Variants in ARHGEF7 observed in about 807,000 individuals in gnomAD.
ARHGEF7 encodes PAK-interacting exchange factor beta.
Under a neutral mutation model 109.8 loss-of-function variants are expected in ARHGEF7, and 33 were observed. The observed-to-expected ratio is 0.30, with a 90% CI of 0.23 to 0.40. The LOEUF (loss-of-function observed/expected upper bound fraction) is 0.40, where lower values mean the gene tolerates loss of function less well. ARHGEF7 is among the 10% of genes least tolerant of loss of function. ARHGEF7 has a pLI of 1.00. For synonymous variants in ARHGEF7, 458 were observed against 424.6 expected (o/e 1.08, Z -0.97); for missense variants, 938 against 1,098.5 (o/e 0.85, Z 2.07).
chr13:111,167,001 T>A (rs1483207259), intron 2 of ARHGEF7, among the ~76,000 whole-genome samples: 1 of 152,056 alleles, frequency 6.6e-6, no homozygotes, highest in African/African-American at 2.4e-5. Flanking sequence ...AGTGAGGAGA[T>A]GTTAGTCCCA....
chr13:111,187,368 G>C (rs1393091044), intron 2 of ARHGEF7, among the ~76,000 whole-genome samples: 1 of 152,204 alleles, frequency 6.6e-6, no homozygotes, highest in Non-Finnish European at 1.5e-5. Context: ...CCTGTTGCCT[G>C]ATGAGGGAGA....
chr13:111,267,661 C>T lies in ARHGEF7; in HGVS notation c.1064C>T (p.Thr355Met), dbSNP rs376914209. The change falls in exon 9 of 22, where the codon ACG (threonine) becomes ATG (methionine). Residue 355 changes from threonine (T) to methionine (M), a missense_variant. Physicochemically the swap from Thr to Met is moderately conservative, Grantham distance 81. This residue lies in a region of ARHGEF7 where 585 missense variants were observed against 723.6 expected (regional missense o/e 0.81). Transcript: ENST00000646102. The stretch of plus-strand genomic sequence containing the variant: ...CACCCTTCTGCAGTGAATGTCCTCA[C>T]GGAACACAGGTGCGCTTGCTAGGCA... ...ANHPSAVNVL[T>M]EHSEELGEFM... 4.3e-5 allele frequency: 70 copies of T among 1,613,828 alleles called. No homozygotes were observed. Among genetic ancestry groups the T allele is most frequent in the South Asian group, 2.0e-4 (18 of 91,054 alleles).
chr13:111,133,761 CTTTATATATATATA>C (rs1246154401), intron 1 of ARHGEF7, among the ~76,000 whole-genome samples: 7 of 73,356 alleles, frequency 9.5e-5, no homozygotes, highest in Non-Finnish European at 1.5e-4. Flanking sequence ...ATCTGCTTTT[CTTTATATATATATA>C]TATATATATA....
At chr13:111,251,402 C>CT (rs2089755143) in intron 8 of ARHGEF7, among the ~76,000 whole-genome samples, 1 of 152,086 alleles carries the variant, frequency 6.6e-6, no homozygotes, top group Non-Finnish European at 1.5e-5. Flanking sequence ...TCTTAGGTGA[C>CT]TGTCAAGAGT....
chr13:111,206,984 A>G (rs1297062054), intron 3 of ARHGEF7, among the ~76,000 whole-genome samples: 3 of 150,692 alleles, frequency 2.0e-5, no homozygotes, highest in African/African-American at 2.5e-5. Context: ...AAGAAAAAGA[A>G]AAAAAAAGAA....
intron 2 of ARHGEF7, among the ~76,000 whole-genome samples, chr13:111,204,048 C>T (rs868728095): frequency 2.0e-5 from 3 of 152,136 alleles, no homozygotes; most frequent in African/African-American, 4.8e-5. Flanking sequence ...TATCATGACA[C>T]GTGTTCTGGG....
At chr13:111,278,480 A>G (rs1057515157) in intron 13 of ARHGEF7, among the ~76,000 whole-genome samples, 4 of 152,216 alleles carry the variant, frequency 2.6e-5, no homozygotes, top group African/African-American at 7.2e-5. Context: ...AGGACGTTCA[A>G]GATCCCTAAG....
At chr13:111,288,267 C>G in intron 17 of ARHGEF7, 87 bp from the exon 18 acceptor site, 2 of 683,696 alleles carry the variant, frequency 2.9e-6, no homozygotes, top group South Asian at 3.0e-5. Flanking sequence ...TCACTTTGGT[C>G]GAGTTGATGT....
At chr13:111,199,152 C>T (rs1206280441) in intron 2 of ARHGEF7, among the ~76,000 whole-genome samples, 1 of 152,150 alleles carries the variant, frequency 6.6e-6, no homozygotes, top group East Asian at 1.9e-4. Context: ...GCCAGGCCTG[C>T]CCCTGCCTGT....
At chr13:111,129,861 A>G (rs1037508859) in intron 1 of ARHGEF7, among the ~76,000 whole-genome samples, 1 of 152,250 alleles carries the variant, frequency 6.6e-6, no homozygotes, top group African/African-American at 2.4e-5. Context: ...TGTTTCAGCT[A>G]TTCTACTTTG....
At chr13:111,160,255 T>G (rs915476416) in intron 2 of ARHGEF7, among the ~76,000 whole-genome samples, 8 of 152,222 alleles carry the variant, frequency 5.3e-5, no homozygotes, top group African/African-American at 1.9e-4. Flanking sequence ...CTGCTATAGC[T>G]TGGTAATACA....
intron 9 of ARHGEF7, among the ~76,000 whole-genome samples, chr13:111,269,092 G>T (rs775682457): frequency 6.6e-6 from 1 of 152,162 alleles, no homozygotes; most frequent in Admixed American, 6.5e-5. Flanking sequence ...GCTTGGGAGC[G>T]TGGGCCATGT....
rs534063384 is a variant in ARHGEF7 at position 111,193,494 on chromosome 13, G to A, written c.253-11795G>A. On this transcript the variant is annotated intron_variant, in intron 2 of 21. Transcript: ENST00000646102. ...GCAATGACTCCATAATTTCCTTGTGGTATTTAATGGGGGTTCCCTCAGAGG... is the reference window on the plus strand; with the variant it reads ...GCAATGACTCCATAATTTCCTTGTGATATTTAATGGGGGTTCCCTCAGAGG... Among the ~76,000 whole-genome samples the A allele has an allele frequency of 2.6e-5, 4 of 152,334 alleles. No homozygotes were observed. In the South Asian group the frequency reaches 8.3e-4, roughly 32 times the overall value.
At chr13:111,170,900 T>G (rs952873144) in intron 2 of ARHGEF7, among the ~76,000 whole-genome samples, 1 of 152,248 alleles carries the variant, frequency 6.6e-6, no homozygotes, top group African/African-American at 2.4e-5. Flanking sequence ...TCTTTTCTGT[T>G]GCAGATATAA....
chr13:111,294,684 C>T, intron 19 of ARHGEF7: 2 of 985,438 alleles, frequency 2.0e-6, no homozygotes, highest in East Asian at 1.1e-4. Flanking sequence ...GGCGATGTGG[C>T]ATCCAGAGGG....
intron 2 of ARHGEF7, among the ~76,000 whole-genome samples, chr13:111,157,411 G>A (rs1188665383): frequency 6.6e-6 from 1 of 151,822 alleles, no homozygotes; most frequent in Non-Finnish European, 1.5e-5. Flanking sequence ...TGGGTGCAGT[G>A]GCTCATGCCT....
At chr13:111,291,584 T>G (rs1004545962) in intron 18 of ARHGEF7, among the ~76,000 whole-genome samples, 1 of 152,268 alleles carries the variant, frequency 6.6e-6, no homozygotes, top group Non-Finnish European at 1.5e-5. Flanking sequence ...TTTATGGTCT[T>G]GGCAAAGAGC....
intron 1 of ARHGEF7, among the ~76,000 whole-genome samples, chr13:111,133,016 A>G (rs1160070353): frequency 6.6e-6 from 1 of 152,164 alleles, no homozygotes; most frequent in East Asian, 1.9e-4. Flanking sequence ...ATATTTATAT[A>G]TACACATGCA....
intron 8 of ARHGEF7, among the ~76,000 whole-genome samples, chr13:111,265,872 G>A (rs558938579): frequency 2.0e-5 from 3 of 152,182 alleles, no homozygotes; most frequent in Non-Finnish European, 4.4e-5. Flanking sequence ...AACCTCCAGA[G>A]CTGTGGGCAG....
Sources: allele counts gnomAD v4.1 joint callset (sites outside exome capture counted in the v4.1 genomes callset), GRCh38; gene constraint gnomAD v4.1.1; regional missense constraint gnomAD v4.1.1; transcripts MANE v1.5; gene names NCBI Gene and HGNC (gene_info 2026-07-23, HGNC 2026-07-21).